PPP2R5C: variants seen among roughly 807,000 people sequenced by gnomAD.
PPP2R5C encodes protein phosphatase 2 regulatory subunit B'gamma.
Under a neutral mutation model 68.9 loss-of-function variants are expected in PPP2R5C, and 7 were observed. The observed-to-expected ratio is 0.10, with a 90% CI of 0.06 to 0.19. The LOEUF is 0.19. PPP2R5C is among the 10% of genes least tolerant of loss of function. The pLI, the probability that PPP2R5C is intolerant of heterozygous loss-of-function variation, is 1.00. For missense variants in PPP2R5C, 348 were observed against 641.3 expected, an observed-to-expected ratio of 0.54 and a Z score of 4.94; for synonymous variants, 210 against 222.2, an observed-to-expected ratio of 0.95 and a Z score of 0.49.
intron 3 of PPP2R5C, among the ~76,000 whole-genome samples, chr14:101,794,372 C>T (rs1388280017): frequency 6.6e-6 from 1 of 152,200 alleles, no homozygotes; most frequent in African/African-American, 2.4e-5. Context: ...GACCCATAGT[C>T]ATTGCAGAAA....
chr14:101,858,477 G>A (rs1343993737), intron 2 of PPP2R5C, among the ~76,000 whole-genome samples: 1 of 151,534 alleles, frequency 6.6e-6, no homozygotes, highest in African/African-American at 2.4e-5. Context: ...TGTGTTAGGA[G>A]CATTCCAGTT....
intron 9 of PPP2R5C, among the ~76,000 whole-genome samples, chr14:101,904,518 C>T (rs967275674): frequency 6.6e-6 from 1 of 152,166 alleles, no homozygotes; most frequent in Non-Finnish European, 1.5e-5. Context: ...AGCTGTGATG[C>T]GATTGTGCCT....
At chr14:101,783,359 T>A (rs553488260) in intron 2 of PPP2R5C, among the ~76,000 whole-genome samples, 1 of 148,694 alleles carries the variant, frequency 6.7e-6, no homozygotes, top group Non-Finnish European at 1.5e-5. Context: ...GGACAGACAA[T>A]GTCTCATGCG....
At chr14:101,849,597 A>T (rs2042028251) in intron 1 of PPP2R5C, among the ~76,000 whole-genome samples, 1 of 103,882 alleles carries the variant, frequency 9.6e-6, no homozygotes, top group Non-Finnish European at 2.2e-5. Flanking sequence ...TATGTATTCA[A>T]ATAGTTCTAT....
chr14:101,796,628 AGCCCAGC>A (rs1383101659), intron 3 of PPP2R5C: 1 of 156,808 alleles, frequency 6.4e-6, no homozygotes, highest in Non-Finnish European at 1.4e-5. Flanking sequence ...AGACAGCCTG[AGCCCAGC>A]CAGCCAGCCC....
intron 2 of PPP2R5C, among the ~76,000 whole-genome samples, chr14:101,859,685 C>T (rs2042642856): frequency 6.6e-6 from 1 of 152,166 alleles, no homozygotes; most frequent in African/African-American, 2.4e-5. Flanking sequence ...AGAATTTAAG[C>T]AACCAGTACA....
intron 1 of PPP2R5C, among the ~76,000 whole-genome samples, chr14:101,814,897 G>T (rs539529813): frequency 4.6e-5 from 7 of 152,158 alleles, no homozygotes; most frequent in Non-Finnish European, 7.3e-5. Flanking sequence ...CTCCTGCCTG[G>T]CAGGTGAGCA....
At chr14:101,824,194 A>G in intron 1 of PPP2R5C, 1 of 1,240,992 alleles carries the variant, frequency 8.1e-7, no homozygotes, top group Non-Finnish European at 1.0e-6. Context: ...ACTATTGGTA[A>G]AGATTCTTAA....
chr14:101,771,515 G>T (rs1418369006), intron 2 of PPP2R5C, among the ~76,000 whole-genome samples: 1 of 152,128 alleles, frequency 6.6e-6, no homozygotes, highest in Non-Finnish European at 1.5e-5. Flanking sequence ...TGGATCATGA[G>T]GTCAGGAGTC....
intron 2 of PPP2R5C, among the ~76,000 whole-genome samples, chr14:101,776,471 C>T (rs1259066497): frequency 6.6e-6 from 1 of 152,174 alleles, no homozygotes. Flanking sequence ...AGGAAGCACA[C>T]CTGTTGTTTC....
At chr14:101,848,594 T>C (rs959820500) in intron 1 of PPP2R5C, among the ~76,000 whole-genome samples, 3 of 151,794 alleles carry the variant, frequency 2.0e-5, no homozygotes, top group Admixed American at 1.3e-4. Context: ...TGCGAGTATG[T>C]CTTCTGGTCT....
At chr14:101,872,740 G>C (rs1299182343) in intron 2 of PPP2R5C, among the ~76,000 whole-genome samples, 3 of 152,102 alleles carry the variant, frequency 2.0e-5, no homozygotes, top group Non-Finnish European at 4.4e-5. Context: ...ATTTGATTAT[G>C]ATGGGCCTTG....
exon 2 of PPP2R5C, chr14:101,856,869 C>G: frequency 6.2e-7 from 1 of 1,613,780 alleles, no homozygotes; most frequent in Non-Finnish European, 8.5e-7. Context: ...CCTATTTACC[C>G]AGAAGTAGTC....
intron 9 of PPP2R5C, among the ~76,000 whole-genome samples, chr14:101,905,045 TTG>T (rs1383699902): frequency 6.6e-6 from 1 of 152,228 alleles, no homozygotes; most frequent in Non-Finnish European, 1.5e-5. Context: ...TTGTCTGTTT[TTG>T]AAAGTTTTAG....
intron 2 of PPP2R5C, among the ~76,000 whole-genome samples, chr14:101,880,390 G>A (rs554132252): frequency 6.6e-6 from 1 of 152,318 alleles, no homozygotes; most frequent in South Asian, 2.1e-4. Flanking sequence ...ATGACACAGA[G>A]AACAAGCTCA....
chr14:101,883,626 C>A, intron 5 of PPP2R5C, 64 bp downstream of exon 7: 1 of 1,567,174 alleles, frequency 6.4e-7, no homozygotes, highest in South Asian at 1.1e-5. Flanking sequence ...CCTCGATGCT[C>A]CCCTACCCCA....
chr14:101,859,431 G>A (rs1320331709), intron 2 of PPP2R5C, among the ~76,000 whole-genome samples: 1 of 152,266 alleles, frequency 6.6e-6, no homozygotes, highest in Non-Finnish European at 1.5e-5. Context: ...GATGCTGTCT[G>A]TGGTCACTGT....
At chr14:101,868,864 G>A (rs963405176) in intron 2 of PPP2R5C, among the ~76,000 whole-genome samples, 1 of 152,050 alleles carries the variant, frequency 6.6e-6, no homozygotes, top group Non-Finnish European at 1.5e-5. Flanking sequence ...GTATAGTCAC[G>A]TCTTCCGCAC....
Position 101,906,558 on chromosome 14 carries a change from C to T in PPP2R5C, c.1151+29C>T, listed in dbSNP as rs976176554. 4 of 1,576,584 alleles carry T rather than the reference C, an allele frequency of 2.5e-6. No homozygotes were observed. The highest frequency in any genetic ancestry group is 3.4e-6 in the Non-Finnish European group (4 of 1,164,316). On this transcript the variant is annotated intron_variant, in intron 10 of 13. Coordinates refer to ENST00000334743, the Ensembl canonical transcript of PPP2R5C. The surrounding 1 kb of genome is among the most constrained non-coding windows in gnomAD (Gnocchi z 4.0). ...AGAAAGAACTGGCTGCCATCTTTTT[C>T]AGTCATTTTAAAATATGGCACGTTT...
Sources: allele counts gnomAD v4.1 joint callset (sites outside exome capture counted in the v4.1 genomes callset), GRCh38; gene constraint gnomAD v4.1.1; non-coding constraint Gnocchi (gnomAD v3.1); transcripts MANE v1.5; gene names NCBI Gene and HGNC (gene_info 2026-07-23, HGNC 2026-07-21).